The following CCDC74A variants were observed in gnomAD, a reference collection of about 807,000 sequenced individuals.
CCDC74A encodes the protein coiled-coil domain containing 74A, also known as coiled-coil domain-containing protein 74A.
In CCDC74A, 38 loss-of-function variants were observed where a neutral mutation model predicts 37.6. The observed-to-expected ratio is 1.01, with a 90% confidence interval of 0.78 to 1.33. CCDC74A has a LOEUF of 1.33. Among genes scored for constraint, CCDC74A ranks in the 40% most tolerant of loss-of-function variants. The probability of loss-of-function intolerance (pLI) is 0.00; values close to 1 mark genes in which losing one functional copy is unlikely to be tolerated. For synonymous variants in CCDC74A, 134 were observed against 165.2 expected (o/e 0.81, Z 1.45); for missense variants, 340 against 403.4 (o/e 0.84, Z 1.35).
At position 131,528,170 on chromosome 2, in the gene CCDC74A, T is replaced by C. The variant is rs766157122; in HGVS notation, c.200T>C (p.Met67Thr). 1.2e-6 allele frequency: 2 copies of C among 1,613,840 alleles called. No homozygotes were observed. Among genetic ancestry groups the C allele is most frequent in the Admixed American group, 1.7e-5 (1 of 60,002 alleles). ...LQFLQQQHSE[M>T]LAKLHEEIEH... ...TTCCTGCAGCAGCAGCACTCGGAGA[T>C]GCTGGCCAAGCTCCATGAGGAGATC... Residue 67 changes from methionine (M) to threonine (T), a missense_variant, in exon 1 of 8, where the codon ATG (methionine) becomes ACG (threonine). This residue lies in a region of CCDC74A where 154 missense variants were observed against 153.9 expected (regional missense o/e 1.00). Coordinates refer to ENST00000409856, the MANE Select transcript of CCDC74A (RefSeq NM_001258306.3).
At chr2:131,523,106 G>C (rs978602456), upstream of CCDC74A, among the ~76,000 whole-genome samples, 16 of 152,180 alleles carry the variant, frequency 1.1e-4, no homozygotes, top group African/African-American at 3.9e-4. Context: ...GGGTCTCACT[G>C]TGTTACCAGG....
upstream of CCDC74A, among the ~76,000 whole-genome samples, chr2:131,525,954 G>A (rs1397359978): frequency 6.6e-6 from 1 of 151,016 alleles, no homozygotes; most frequent in South Asian, 2.1e-4. Flanking sequence ...TCCTGACCTC[G>A]TGATCCGCCC....
At chr2:131,529,578 G>C in intron 1 of CCDC74A, 69 bp from the exon 2 acceptor site, 1 of 1,603,402 alleles carries the variant, frequency 6.2e-7, no homozygotes. Flanking sequence ...GGAGAGGACA[G>C]GCCAGGCTTC....
At chr2:131,525,376 G>A (rs1680262450), upstream of CCDC74A, among the ~76,000 whole-genome samples, 1 of 151,946 alleles carries the variant, frequency 6.6e-6, no homozygotes, top group East Asian at 1.9e-4. Context: ...GCACCACCAT[G>A]CAGGCAAATT....
chr2:131,529,331 C>A (rs1291602785), intron 1 of CCDC74A: 1 of 560,034 alleles, frequency 1.8e-6, no homozygotes, highest in Non-Finnish European at 3.2e-6. Flanking sequence ...ACTGCCATAG[C>A]CAGGGGTTCC....
chr2:131,525,559 G>GT (rs1680268134), upstream of CCDC74A, among the ~76,000 whole-genome samples: 1 of 152,038 alleles, frequency 6.6e-6, no homozygotes, highest in South Asian at 2.1e-4. Context: ...TTTTCTTTTA[G>GT]TTTTTTGAGA....
At chr2:131,530,993 A>C (rs1277634921) in intron 3 of CCDC74A, among the ~76,000 whole-genome samples, 166 bp downstream of exon 3, 1 of 142,242 alleles carries the variant, frequency 7.0e-6, no homozygotes, top group East Asian at 2.4e-4. Flanking sequence ...AGCCACCGGG[A>C]GGGGATTAAG....
chr2:131,531,156 G>A (rs1035098268), intron 3 of CCDC74A, among the ~76,000 whole-genome samples: 9 of 152,082 alleles, frequency 5.9e-5, no homozygotes, highest in South Asian at 2.1e-4. Flanking sequence ...CTGCTTGGCC[G>A]TGTCCCTGCC....
Position 131,528,131 on chromosome 2 carries a change from A to G in CCDC74A, c.161A>G (p.Glu54Gly). The G allele has an allele frequency of 1.2e-6, 2 of 1,613,910 alleles. No homozygotes were observed. The highest frequency in any genetic ancestry group is 8.5e-7 in the Non-Finnish European group (1 of 1,179,842). ...SDPQKRNLDL[E>G]KSLQFLQQQH... is the part of the protein sequence containing the mutation. ...CCGCAGAAACGGAACCTGGACCTGG[A>G]GAAAAGCCTGCAGTTCCTGCAGCAG... Residue 54 changes from glutamate (E) to glycine (G), a missense_variant, in exon 1 of 8, where the codon GAG (glutamate) becomes GGG (glycine). Physicochemically the swap from Glu to Gly is moderately conservative, Grantham distance 98. Transcript: ENST00000409856.
upstream of CCDC74A, among the ~76,000 whole-genome samples, chr2:131,523,025 A>C (rs188203099): frequency 4.6e-5 from 7 of 152,286 alleles, no homozygotes; most frequent in African/African-American, 1.4e-4. Context: ...CCGCCTCAGC[A>C]TCCCAAGTAG....
intron 2 of CCDC74A, 57 bp from the exon 3 acceptor site, chr2:131,530,720 G>C (rs765420380): frequency 1.2e-6 from 2 of 1,613,398 alleles, no homozygotes; most frequent in Non-Finnish European, 1.7e-6. Context: ...CACAGGCCAG[G>C]AGGCAAGCGT....
Position 131,533,516 on chromosome 2 carries a change from A to G in CCDC74A, c.*118A>G. On this transcript the variant is annotated 3_prime_UTR_variant, in exon 8 of 8. Transcript: ENST00000409856. ...CTGGCTAAATTCCAAGACAGATAAC[A>G]CTCAAGATAGATAAAGTACTTGATC... 2.9e-6 allele frequency: 4 copies of G among 1,383,502 alleles called. No individual in the cohort carries two copies. Among genetic ancestry groups the G allele is most frequent in the Non-Finnish European group, 3.9e-6 (4 of 1,023,642 alleles). 85.7% of individuals were successfully genotyped at this position (1,383,502 alleles called of 1,614,324 possible).
chr2:131,528,906 A>G (rs1214440988), intron 1 of CCDC74A, among the ~76,000 whole-genome samples: 1 of 151,930 alleles, frequency 6.6e-6, no homozygotes, highest in Non-Finnish European at 1.5e-5. Context: ...TCGGATCAGG[A>G]GCAGGCATTC....
At position 131,528,075 on chromosome 2, in the gene CCDC74A, GCCGCAGAGC is replaced by G. The variant is rs780130502; in HGVS notation, c.112_120del (p.Ser38_Gln40del). On this transcript the variant is annotated inframe_deletion, in exon 1 of 8. Transcript: ENST00000409856. Reference sequence around the variant, plus strand: ...CCTCTGTGGGCGTCCAGTCCTTGAGGCCGCAGAGCCCGCAGCTCAGGCAGAGCGACCCGC... The same window carrying G: ...CCTCTGTGGGCGTCCAGTCCTTGAGGCCGCAGCTCAGGCAGAGCGACCCGC... 4 of 1,609,958 alleles carry G rather than the reference GCCGCAGAGC, an allele frequency of 2.5e-6. No homozygotes were observed. The Admixed American group carries it at 6.7e-5, about 27-fold the overall frequency.
In CCDC74A at chr2:131,532,915, C is replaced by T. The variant is rs202206116; in HGVS notation, c.730C>T (p.Pro244Ser). 8.7e-6 allele frequency: 14 copies of T among 1,613,554 alleles called. No homozygotes were observed. The highest frequency in any genetic ancestry group is 3.4e-6 in the Non-Finnish European group (4 of 1,179,742). The change falls in exon 6 of 8, where the codon CCG becomes TCG. Residue 244 changes from proline (P) to serine (S), a missense_variant. By Grantham distance (74) the Pro-to-Ser change is moderately conservative. This residue lies in a region of CCDC74A where 185 missense variants were observed against 231.5 expected (regional missense o/e 0.80). Coordinates refer to ENST00000409856, the MANE Select transcript of CCDC74A (RefSeq NM_001258306.3). ...LEGSQRPQAA[P>S]EEASFPRDQE... ...AGGGAGCCAGAGGCCCCAGGCAGCC[C>T]CGGAGGAAGCTAGCTTTCCCAGGTG...
chr2:131,526,015 C>T (rs1317529958), upstream of CCDC74A, among the ~76,000 whole-genome samples: 1 of 151,704 alleles, frequency 6.6e-6, no homozygotes, highest in Non-Finnish European at 1.5e-5. Flanking sequence ...GGGTTTTCAC[C>T]ATGTTGCCCA....
chr2:131,526,563 G>A (rs976382858), upstream of CCDC74A, among the ~76,000 whole-genome samples: 2 of 152,100 alleles, frequency 1.3e-5, no homozygotes, highest in Non-Finnish European at 2.9e-5. Flanking sequence ...AATCATAGTT[G>A]TATTCCATTT....
intron 1 of CCDC74A, chr2:131,529,423 C>A (rs184436886): frequency 2.9e-6 from 2 of 691,800 alleles, no homozygotes; most frequent in Non-Finnish European, 5.2e-6. Context: ...TGGATGAGGC[C>A]GATATGCCCG....
chr2:131,528,569 G>C (rs1680606769), intron 1 of CCDC74A: 1 of 1,128,926 alleles, frequency 8.9e-7, no homozygotes, highest in South Asian at 1.3e-5. Context: ...CCAGCACTTT[G>C]GGAGGCCGAG....
Sources: allele counts gnomAD v4.1 joint callset (sites outside exome capture counted in the v4.1 genomes callset), GRCh38; gene constraint gnomAD v4.1.1; regional missense constraint gnomAD v4.1.1; transcripts MANE v1.5; gene names NCBI Gene and HGNC (gene_info 2026-07-23, HGNC 2026-07-21).